Variants in UGT8 observed in about 807,000 individuals in gnomAD.
UGT8 encodes the protein UDP glycosyltransferase 8.
In UGT8, 12 loss-of-function variants were observed where a neutral mutation model predicts 40.5. The observed-to-expected ratio is 0.30, with a 90% CI of 0.19 to 0.48. The LOEUF is 0.48. Among genes scored for constraint, UGT8 ranks in the 20% least tolerant of loss-of-function variants. The probability of loss-of-function intolerance (pLI) is 0.99; values close to 1 mark genes in which losing one functional copy is unlikely to be tolerated. For synonymous variants in UGT8, 224 were observed against 240.4 expected (o/e 0.93, Z 0.63); for missense variants, 513 against 648.7 (o/e 0.79, Z 2.27).
intron 2 of UGT8, among the ~76,000 whole-genome samples, chr4:114,640,664 A>C (rs1733166951): frequency 6.6e-6 from 1 of 152,132 alleles, no homozygotes; most frequent in African/African-American, 2.4e-5. Context: ...GGCTGGGGAA[A>C]TGTGGAAACT....
chr4:114,641,746 T>G (rs549553196), intron 2 of UGT8, among the ~76,000 whole-genome samples: 64 of 152,118 alleles, frequency 4.2e-4, no homozygotes, highest in Non-Finnish European at 6.8e-4. Context: ...GAAAAAAAAT[T>G]TATTAGATTT....
chr4:114,668,974 T>G (rs115774981), intron 5 of UGT8, among the ~76,000 whole-genome samples: 89 of 152,296 alleles, frequency 5.8e-4, no homozygotes, highest in African/African-American at 2.0e-3. Context: ...TTTTCTTCAT[T>G]TGTAGATATT....
At chr4:114,606,378 A>G (rs1730732071) in intron 1 of UGT8, among the ~76,000 whole-genome samples, 1 of 152,156 alleles carries the variant, frequency 6.6e-6, no homozygotes. Context: ...CTAGGCAGTT[A>G]GTCTAGGGGC....
At chr4:114,651,218 G>A (rs1188293030) in intron 2 of UGT8, among the ~76,000 whole-genome samples, 1 of 151,702 alleles carries the variant, frequency 6.6e-6, no homozygotes, top group Non-Finnish European at 1.5e-5. Flanking sequence ...TCATTCTATT[G>A]AGTAGTGTCT....
chr4:114,673,402 A>G (rs1560713355), intron 5 of UGT8, among the ~76,000 whole-genome samples: 1 of 152,182 alleles, frequency 6.6e-6, no homozygotes, highest in Non-Finnish European at 1.5e-5. Context: ...TCGGTTAGTT[A>G]GCAATCCAGC....
At chr4:114,638,743 C>T (rs895256953) in intron 2 of UGT8, among the ~76,000 whole-genome samples, 1 of 152,198 alleles carries the variant, frequency 6.6e-6, no homozygotes, top group African/African-American at 2.4e-5. Context: ...CTCCCACTGG[C>T]TACTTGTTTG....
At chr4:114,602,247 A>G (rs1478999716) in intron 1 of UGT8, among the ~76,000 whole-genome samples, 11 of 152,222 alleles carry the variant, frequency 7.2e-5, no homozygotes, top group Non-Finnish European at 7.3e-5. Flanking sequence ...GTTTAGGAAT[A>G]TGTATACTAG....
intron 2 of UGT8, among the ~76,000 whole-genome samples, chr4:114,651,649 C>G (rs1290957443): frequency 6.6e-6 from 1 of 151,946 alleles, no homozygotes; most frequent in African/African-American, 2.4e-5. Flanking sequence ...TCTCTGACAC[C>G]CAGGATTAGA....
intron 1 of UGT8, among the ~76,000 whole-genome samples, chr4:114,604,665 G>A (rs1290107073): frequency 2.6e-5 from 4 of 151,890 alleles, no homozygotes; most frequent in Admixed American, 2.6e-4. Flanking sequence ...TCTATGCAGT[G>A]GTTTGGAAGT....
chr4:114,622,818 G>A (rs746267400), intron 1 of UGT8, 61 bp from the exon 2 acceptor site: 166 of 1,419,598 alleles, frequency 1.2e-4, no homozygotes, highest in Non-Finnish European at 1.4e-4. Context: ...CTTTGTGATT[G>A]CTTGTTTTGA....
In UGT8 at chr4:114,623,104, G is replaced by C; in HGVS notation, c.224G>C (p.Gly75Ala). 1 of 1,614,064 alleles carries C rather than the reference G, an allele frequency of 6.2e-7. No homozygotes were observed. Among genetic ancestry groups the C allele is most frequent in the Non-Finnish European group, 8.5e-7 (1 of 1,180,016 alleles). ...CATTACAGCCTCCAGCGCTACCCAG[G>C]GATCTTTAACAGTACCACCTCAGAT... is the stretch of plus-strand genomic sequence containing the variant. ...SNHYSLQRYP[G>A]IFNSTTSDAF... Residue 75 changes from glycine (G) to alanine (A), a missense_variant, in exon 2 of 6, where the codon GGG becomes GCG. Gly to Ala is a moderately conservative substitution (Grantham distance 60). Around this residue, in one of 3 missense-constraint regions of UGT8, gnomAD observed 335 missense variants for 444.8 expected, o/e 0.75. Coordinates refer to ENST00000310836, the MANE Select transcript of UGT8 (RefSeq NM_001128174.3).
At position 114,644,545 on chromosome 4, in the gene UGT8, G is replaced by A. The variant is rs534780234; in HGVS notation, c.823-19450G>A. 8.5e-5 allele frequency among the ~76,000 whole-genome samples: 13 copies of A among 152,178 alleles called. No individual in the cohort carries two copies. The East Asian group carries it at 2.3e-3, about 27-fold the overall frequency. On this transcript the variant is annotated intron_variant, in intron 2 of 5. Coordinates refer to ENST00000310836, the MANE Select transcript of UGT8 (RefSeq NM_001128174.3). ...CCTTTCCCTGCTTGGACTGTGATGA[G>A]TTCTTGGCCCCTCATTTGGACCTCT... is the stretch of plus-strand genomic sequence containing the variant.
At chr4:114,662,232 C>T (rs934440573) in intron 2 of UGT8, among the ~76,000 whole-genome samples, 12 of 152,152 alleles carry the variant, frequency 7.9e-5, no homozygotes, top group African/African-American at 2.7e-4. Context: ...CTACCTGAAA[C>T]GTACTCAGAA....
chr4:114,669,377 T>TATAC lies in UGT8; in HGVS notation c.1262+1077_1262+1080dup, dbSNP rs1415654906. ...CTTTTCAAAACATGATGTTATTTCATATACATATATATATATATATATATA... is the reference window on the plus strand; with the variant it reads ...CTTTTCAAAACATGATGTTATTTCATATACATACATATATATATATATATATATA... On this transcript the variant is annotated intron_variant, in intron 5 of 5. Coordinates refer to ENST00000310836, the MANE Select transcript of UGT8 (RefSeq NM_001128174.3). Among the ~76,000 whole-genome samples the TATAC allele has an allele frequency of 9.1e-4, 17 of 18,608 alleles. 1 individual carries two copies. Among genetic ancestry groups the TATAC allele is most frequent in the Admixed American group, 4.5e-3 (6 of 1,334 alleles). 12.2% of individuals were successfully genotyped at this position (18,608 alleles called of 152,430 possible). A position where few individuals can be genotyped will look rare whatever the true frequency, so the allele number is the denominator to read the frequency against.
chr4:114,631,515 T>A (rs945307161), intron 2 of UGT8, among the ~76,000 whole-genome samples: 20 of 152,236 alleles, frequency 1.3e-4, no homozygotes, highest in African/African-American at 4.8e-4. Context: ...AGAAAAGTAA[T>A]GTCCCATTGT....
chr4:114,623,006 C>G lies in UGT8; in HGVS notation c.126C>G (p.Ala42=). The G allele has an allele frequency of 6.2e-7, 1 of 1,614,130 alleles. No homozygotes were observed. The highest frequency in any genetic ancestry group is 8.5e-7 in the Non-Finnish European group (1 of 1,180,010). The part of the protein sequence containing the change: ...ESHMYIFKTL[A]SALHERGHHT... Reference sequence around the variant, plus strand: ...ATATGTACATTTTCAAGACGCTAGCCTCAGCCTTGCACGAGAGAGGCCACC... The same window carrying G: ...ATATGTACATTTTCAAGACGCTAGCGTCAGCCTTGCACGAGAGAGGCCACC... The change falls in exon 2 of 6, where the codon GCC becomes GCG. Residue 42 remains alanine (A), a synonymous_variant. Coordinates refer to ENST00000310836, the MANE Select transcript of UGT8 (RefSeq NM_001128174.3).
intron 2 of UGT8, among the ~76,000 whole-genome samples, chr4:114,641,642 C>T (rs990778890): frequency 3.3e-5 from 5 of 151,944 alleles, no homozygotes; most frequent in African/African-American, 1.2e-4. Flanking sequence ...ATTCATAAAG[C>T]GAGAGATTAA....
chr4:114,638,353 T>C (rs1481547330), intron 2 of UGT8, among the ~76,000 whole-genome samples: 1 of 152,152 alleles, frequency 6.6e-6, no homozygotes, highest in African/African-American at 2.4e-5. Flanking sequence ...CATTATGAGC[T>C]TTTTACATGA....
Position 114,612,904 on chromosome 4 carries a change from A to T in UGT8, c.-2-9975A>T, listed in dbSNP as rs1731177311. Among the ~76,000 whole-genome samples, 4 of 152,102 alleles carry T rather than the reference A, an allele frequency of 2.6e-5. No homozygotes were observed. In the South Asian group the frequency reaches 8.3e-4, roughly 31 times the overall value. The stretch of plus-strand genomic sequence containing the variant: ...ATCAAGGTAAATTCTTTTTCTTTTC[A>T]TTTTGTTTCTTAGAATTCATTGGTT... On this transcript the variant is annotated intron_variant, in intron 1 of 5. Transcript: ENST00000310836.
Sources: gnomAD v4.1 joint callset for allele counts (sites outside exome capture counted in the v4.1 genomes callset) on GRCh38, gnomAD v4.1.1 for gene constraint, gnomAD v4.1.1 regional missense constraint, MANE v1.5 for transcripts, NCBI Gene and HGNC (gene_info 2026-07-23, HGNC 2026-07-21) for gene names.